THSD4: variants seen among roughly 807,000 people sequenced by gnomAD.
THSD4 encodes thrombospondin type-1 domain-containing protein 4.
In THSD4, 69 loss-of-function variants were observed where a neutral mutation model predicts 119.0. That is an observed-to-expected ratio of 0.58 (90% CI 0.48 to 0.71). THSD4 has a LOEUF of 0.71. Among genes scored for constraint, THSD4 ranks in the 30% least tolerant of loss-of-function variants. The pLI is 0.00. For missense variants in THSD4, 1,393 were observed against 1,391.1 expected (o/e 1.00, Z -0.02); for synonymous variants, 524 against 540.4 (o/e 0.97, Z 0.42).
chr15:71,746,722 T>A, intron 12 of THSD4, 116 bp from the exon 13 acceptor site: 1 of 1,147,342 alleles, frequency 8.7e-7, no homozygotes, highest in Non-Finnish European at 1.3e-6. Flanking sequence ...AATGCTCTAG[T>A]AAGAAACTCT....
intron 3 of THSD4, among the ~76,000 whole-genome samples, chr15:71,198,692 A>G (rs1362357437): frequency 1.3e-5 from 2 of 152,222 alleles, no homozygotes; most frequent in Non-Finnish European, 2.9e-5. Context: ...CCTCCTGGCC[A>G]GGTATCCCTG....
intron 8 of THSD4, among the ~76,000 whole-genome samples, chr15:71,682,510 G>T (rs2051803858): frequency 6.7e-6 from 1 of 150,114 alleles, no homozygotes; most frequent in South Asian, 2.1e-4. Context: ...ATTAGTTTTT[G>T]TCTGTTTTTA....
rs1426472935 is a variant in THSD4, at chr15:71,273,928, G to A, written c.1015+17213G>A. On this transcript the variant is annotated intron_variant, in intron 6 of 17. Transcript: ENST00000261862. ...CTTGGTAAAGGATGGAAACTGGGAA[G>A]CCCTGGGCTTCCAGGTGGACAGAAC... is the stretch of plus-strand genomic sequence containing the variant. Among the ~76,000 whole-genome samples, 3 of 152,322 alleles carry A rather than the reference G, an allele frequency of 2.0e-5. No individual in the cohort carries two copies. In the South Asian group the frequency reaches 6.2e-4, roughly 32 times the overall value.
intron 8 of THSD4, among the ~76,000 whole-genome samples, chr15:71,680,097 G>A (rs914690914): frequency 2.6e-5 from 4 of 152,158 alleles, no homozygotes; most frequent in Non-Finnish European, 5.9e-5. Context: ...TAGAAAAGAC[G>A]GATAAATAAT....
chr15:71,695,767 T>C (rs1279383109), intron 8 of THSD4, among the ~76,000 whole-genome samples: 2 of 152,128 alleles, frequency 1.3e-5, no homozygotes, highest in African/African-American at 4.8e-5. Context: ...AGAATCAGAT[T>C]CAAATCTTGA....
intron 7 of THSD4, among the ~76,000 whole-genome samples, chr15:71,630,230 T>A (rs1308432451): frequency 6.6e-6 from 1 of 152,196 alleles, no homozygotes; most frequent in Non-Finnish European, 1.5e-5. Flanking sequence ...AAGCACTTCT[T>A]AGGCAAATGG....
intron 7 of THSD4, among the ~76,000 whole-genome samples, chr15:71,619,554 T>C (rs8042037): frequency 0.03 from 4,534 of 152,284 alleles, 231 homozygotes; most frequent in African/African-American, 0.1. Context: ...GGATGACTTA[T>C]GTCCTGGTCC....
chr15:71,381,157 C>T (rs970311824), intron 6 of THSD4, among the ~76,000 whole-genome samples: 1 of 152,064 alleles, frequency 6.6e-6, no homozygotes, highest in African/African-American at 2.4e-5. Flanking sequence ...TTACAGAGTG[C>T]AGAACTTGTA....
In THSD4 at chr15:71,771,161, C is replaced by G; in HGVS notation, c.2867C>G (p.Pro956Arg). The part of the protein sequence containing the change: ...LSNLCDPQLK[P>R]EERESCNPQD... ...AACCTCTGTGACCCTCAGTTGAAAC[C>G]AGAAGAGAGAGAATCTTGTAACCCT... Residue 956 changes from proline (P) to arginine (R), a missense_variant, in exon 17 of 18, where the codon CCA becomes CGA. Transcript: ENST00000261862. The G allele has an allele frequency of 6.2e-7, 1 of 1,614,124 alleles. No homozygotes were observed. Among genetic ancestry groups the G allele is most frequent in the Non-Finnish European group, 8.5e-7 (1 of 1,180,034 alleles).
At chr15:71,482,330 G>A (rs564832485) in intron 7 of THSD4, among the ~76,000 whole-genome samples, 195 of 138,266 alleles carry the variant, frequency 1.4e-3, no homozygotes, top group African/African-American at 5.1e-3. Flanking sequence ...TTGCTCTGTT[G>A]CCCAGGCTGG....
intron 7 of THSD4, among the ~76,000 whole-genome samples, chr15:71,512,446 A>G (rs899344033): frequency 1.3e-5 from 2 of 152,354 alleles, no homozygotes; most frequent in Middle Eastern, 3.4e-3. Context: ...ATTAAAGACG[A>G]CAGTAAAACA....
intron 7 of THSD4, among the ~76,000 whole-genome samples, chr15:71,506,762 A>G (rs538318058): frequency 7.8e-4 from 119 of 152,332 alleles, no homozygotes; most frequent in African/African-American, 2.7e-3. Flanking sequence ...GGCTACTGCC[A>G]TGGCAGGACC....
At position 71,440,258 on chromosome 15, in the gene THSD4, A is replaced by T. The variant is rs2047071968; in HGVS notation, c.1152+28435A>T. ...CATTTCCTCAAAACTGCTTAACAAA[A>T]CCTCAATATAAGCTTTGTCTCCCTT... On this transcript the variant is annotated intron_variant, in intron 7 of 17. Transcript: ENST00000261862. 2.0e-5 allele frequency among the ~76,000 whole-genome samples: 3 copies of T among 152,052 alleles called. No homozygotes were observed. In the South Asian group the frequency reaches 6.2e-4, roughly 32 times the overall value.
At chr15:71,687,764 A>C (rs1203103352) in intron 8 of THSD4, among the ~76,000 whole-genome samples, 4 of 24,450 alleles carry the variant, frequency 1.6e-4, no homozygotes, top group Non-Finnish European at 1.6e-4. Context: ...TCAAAAAAAA[A>C]AAAAAAAACA....
At chr15:71,527,063 C>T (rs1197982988) in intron 7 of THSD4, among the ~76,000 whole-genome samples, 1 of 152,144 alleles carries the variant, frequency 6.6e-6, no homozygotes, top group African/African-American at 2.4e-5. Context: ...AGACTCCTCC[C>T]TCATAAATGG....
At chr15:71,188,571 T>G (rs937851324) in intron 3 of THSD4, among the ~76,000 whole-genome samples, 7 of 152,162 alleles carry the variant, frequency 4.6e-5, no homozygotes, top group African/African-American at 1.7e-4. Context: ...ACAGAGGATC[T>G]GACCTGCAGA....
intron 6 of THSD4, among the ~76,000 whole-genome samples, chr15:71,270,079 T>C (rs1441793101): frequency 6.6e-6 from 1 of 152,138 alleles, no homozygotes; most frequent in Non-Finnish European, 1.5e-5. Context: ...CTGACTTTCT[T>C]CACAGATTTG....
intron 7 of THSD4, among the ~76,000 whole-genome samples, chr15:71,601,624 G>A (rs959998007): frequency 1.3e-5 from 2 of 152,242 alleles, no homozygotes; most frequent in Non-Finnish European, 2.9e-5. Flanking sequence ...AAACTCTGAA[G>A]AGGCTGTAAT....
intron 3 of THSD4, among the ~76,000 whole-genome samples, chr15:71,196,051 A>G (rs933887218): frequency 6.6e-6 from 1 of 152,172 alleles, no homozygotes; most frequent in Non-Finnish European, 1.5e-5. Context: ...AGGTGCTAGC[A>G]TCAGGTGAGG....
Sources: allele counts gnomAD v4.1 joint callset (sites outside exome capture counted in the v4.1 genomes callset), GRCh38; gene constraint gnomAD v4.1.1; transcripts MANE v1.5; gene names NCBI Gene and HGNC (gene_info 2026-07-23, HGNC 2026-07-21).